The following DNER variants were observed in gnomAD, a reference collection of about 807,000 sequenced individuals.
DNER encodes delta/notch like EGF repeat containing.
Under a neutral mutation model 78.2 loss-of-function variants are expected in DNER, and 33 were observed. The observed-to-expected ratio is 0.42, with a 90% CI of 0.32 to 0.56. DNER has a LOEUF of 0.56. DNER is among the 20% of genes least tolerant of loss of function. DNER has a pLI of 0.11. For synonymous variants in DNER, 417 were observed against 384.8 expected (o/e 1.08, Z -0.98); for missense variants, 918 against 975.3 (o/e 0.94, Z 0.78).
At chr2:229,420,885 C>G (rs1027763282) in intron 8 of DNER, among the ~76,000 whole-genome samples, 2 of 152,228 alleles carry the variant, frequency 1.3e-5, no homozygotes, top group Admixed American at 1.3e-4. Flanking sequence ...AAAAATAGAA[C>G]CACCACATGA....
At chr2:229,477,508 T>C (rs538054123) in intron 6 of DNER, among the ~76,000 whole-genome samples, 12 of 152,350 alleles carry the variant, frequency 7.9e-5, no homozygotes, top group Admixed American at 5.9e-4. Flanking sequence ...TTCTTCGGCA[T>C]TAGGTCTGTG....
intron 10 of DNER, among the ~76,000 whole-genome samples, chr2:229,393,425 C>CAAA (rs1475279675): frequency 1.4e-5 from 2 of 146,988 alleles, no homozygotes; most frequent in African/African-American, 5.1e-5. Context: ...GACTCCGTCT[C>CAAA]AAAAAAAATA....
intron 5 of DNER, among the ~76,000 whole-genome samples, chr2:229,521,171 T>C (rs1179387206): frequency 1.3e-5 from 2 of 152,216 alleles, no homozygotes; most frequent in Non-Finnish European, 2.9e-5. Context: ...TCTGGAATCA[T>C]TTTGCTCCTA....
chr2:229,377,475 A>C (rs990608897), intron 11 of DNER, among the ~76,000 whole-genome samples: 1 of 152,240 alleles, frequency 6.6e-6, no homozygotes, highest in Non-Finnish European at 1.5e-5. Flanking sequence ...ATTCAGAAAA[A>C]ATTATAATCA....
chr2:229,488,627 C>A (rs1407343644), intron 6 of DNER, among the ~76,000 whole-genome samples: 1 of 152,232 alleles, frequency 6.6e-6, no homozygotes, highest in Non-Finnish European at 1.5e-5. Flanking sequence ...TCTAACCCTA[C>A]GTCCCTCTCT....
At chr2:229,364,528 T>A (rs893135624) in intron 12 of DNER, among the ~76,000 whole-genome samples, 2 of 152,140 alleles carry the variant, frequency 1.3e-5, no homozygotes, top group African/African-American at 4.8e-5. Flanking sequence ...GGCGCTAAGA[T>A]GAGCAGCCAT....
chr2:229,661,530 TAGTC>T (rs1699011299), intron 1 of DNER, among the ~76,000 whole-genome samples: 1 of 152,202 alleles, frequency 6.6e-6, no homozygotes, highest in Non-Finnish European at 1.5e-5. Flanking sequence ...TCATTGTCCT[TAGTC>T]AGACATCAAA....
At chr2:229,642,967 C>G (rs372708982) in intron 1 of DNER, among the ~76,000 whole-genome samples, 5 of 152,108 alleles carry the variant, frequency 3.3e-5, no homozygotes, top group African/African-American at 4.8e-5. Context: ...CTCATGACTG[C>G]AGGCCCAGCA....
chr2:229,381,374 A>G (rs922024831), intron 11 of DNER, among the ~76,000 whole-genome samples: 2 of 152,186 alleles, frequency 1.3e-5, no homozygotes, highest in African/African-American at 4.8e-5. Flanking sequence ...AGCTAGCTGC[A>G]GGAGTACTTT....
rs747485520 is a variant in DNER at position 229,647,964 on chromosome 2, G to A, written c.277-56076C>T. Among the ~76,000 whole-genome samples the A allele has an allele frequency of 2.3e-4, 35 of 152,160 alleles. 1 individual carries two copies. The Middle Eastern group carries it at 0.017, about 74-fold the overall frequency. The stretch of plus-strand genomic sequence containing the variant: ...TTTTATTTCTCTAAAGGTTCTAACC[G>A]TTCCACAAAGGTCATGATGCACATT... On this transcript the variant is annotated intron_variant, in intron 1 of 12. Coordinates refer to ENST00000341772, the MANE Select transcript of DNER (RefSeq NM_139072.4).
At chr2:229,458,955 G>GT (rs1380111405) in intron 7 of DNER, among the ~76,000 whole-genome samples, 2 of 151,874 alleles carry the variant, frequency 1.3e-5, no homozygotes, top group African/African-American at 4.8e-5. Context: ...AAAATCAATA[G>GT]TGTTTCTATA....
intron 6 of DNER, among the ~76,000 whole-genome samples, chr2:229,487,515 C>G (rs1354961810): frequency 6.6e-6 from 1 of 152,292 alleles, no homozygotes; most frequent in East Asian, 1.9e-4. Flanking sequence ...GTCCTGATGA[C>G]TACTCCTGAG....
intron 5 of DNER, among the ~76,000 whole-genome samples, chr2:229,525,976 T>C (rs1415674020): frequency 1.3e-5 from 2 of 152,182 alleles, no homozygotes; most frequent in African/African-American, 4.8e-5. Flanking sequence ...CTTAATTAAA[T>C]CTTATTAAAT....
At chr2:229,482,507 C>T (rs1695183892) in intron 6 of DNER, among the ~76,000 whole-genome samples, 1 of 152,206 alleles carries the variant, frequency 6.6e-6, no homozygotes, top group Non-Finnish European at 1.5e-5. Flanking sequence ...CCAGTCCTGC[C>T]ACCGACCACC....
At chr2:229,571,523 T>A (rs1394600516) in intron 4 of DNER, among the ~76,000 whole-genome samples, 2 of 152,056 alleles carry the variant, frequency 1.3e-5, no homozygotes, top group Non-Finnish European at 2.9e-5. Flanking sequence ...TCTCTCTGTG[T>A]GTTCCTTCCT....
intron 9 of DNER, among the ~76,000 whole-genome samples, chr2:229,410,194 A>G (rs1364200344): frequency 6.6e-6 from 1 of 152,118 alleles, no homozygotes; most frequent in African/African-American, 2.4e-5. Flanking sequence ...CTGAACCTTG[A>G]TTTTCTCAAC....
chr2:229,482,315 C>A (rs1695177916), intron 6 of DNER, among the ~76,000 whole-genome samples: 1 of 152,230 alleles, frequency 6.6e-6, no homozygotes, highest in African/African-American at 2.4e-5. Flanking sequence ...CACTTGCTTT[C>A]TTTCAATCCA....
intron 6 of DNER, among the ~76,000 whole-genome samples, chr2:229,493,212 A>C (rs1335334155): frequency 1.3e-5 from 2 of 152,226 alleles, no homozygotes; most frequent in African/African-American, 4.8e-5. Flanking sequence ...AGTTTTTAAA[A>C]ATAGGCTGAA....
At chr2:229,497,596 T>A (rs556048706) in intron 6 of DNER, among the ~76,000 whole-genome samples, 54 of 149,640 alleles carry the variant, frequency 3.6e-4, no homozygotes, top group African/African-American at 1.3e-3. Context: ...AAAACAGAAA[T>A]GAAAGAGGGG....
Sources: allele counts gnomAD v4.1 joint callset (sites outside exome capture counted in the v4.1 genomes callset), GRCh38; gene constraint gnomAD v4.1.1; transcripts MANE v1.5; gene names NCBI Gene and HGNC (gene_info 2026-07-23, HGNC 2026-07-21).